The following CPXM2 variants were observed in gnomAD, a reference collection of about 807,000 sequenced individuals.
The protein encoded by CPXM2 is inactive carboxypeptidase-like protein X2.
CPXM2 carries 66 observed loss-of-function variants against 86.1 expected under a neutral mutation model. That is an observed-to-expected ratio of 0.77 (90% CI 0.63 to 0.94). The LOEUF is 0.94. Among genes scored for constraint, CPXM2 ranks in the 40% least tolerant of loss-of-function variants. The pLI is 0.00. For missense variants in CPXM2, 948 were observed against 1,026.3 expected, an observed-to-expected ratio of 0.92 and a Z score of 1.04; for synonymous variants, 388 against 400.2, an observed-to-expected ratio of 0.97 and a Z score of 0.36.
At chr10:123,752,049 C>G (rs973257609) in intron 13 of CPXM2, 1 of 985,414 alleles carries the variant, frequency 1.0e-6, no homozygotes, top group Non-Finnish European at 1.2e-6. Context: ...ATACAAAGCA[C>G]TAAATAGTCA....
At chr10:123,822,187 C>A (rs531732723) in intron 4 of CPXM2, among the ~76,000 whole-genome samples, 2 of 152,342 alleles carry the variant, frequency 1.3e-5, no homozygotes, top group African/African-American at 4.8e-5. Context: ...TCCAAAGTAT[C>A]TGAACACAAT....
chr10:123,799,236 T>C (rs1847401630), intron 4 of CPXM2, 37 bp from the exon 5 acceptor site: 2 of 1,611,234 alleles, frequency 1.2e-6, no homozygotes, highest in Non-Finnish European at 1.7e-6. Flanking sequence ...ACTACACACT[T>C]TAAAATGTTT....
intron 2 of CPXM2, among the ~76,000 whole-genome samples, chr10:123,899,492 C>T (rs1003455261): frequency 1.4e-4 from 21 of 152,222 alleles, no homozygotes; most frequent in African/African-American, 5.1e-4. Flanking sequence ...GGAAAGATAC[C>T]TATGCTCTTG....
intron 2 of CPXM2, among the ~76,000 whole-genome samples, chr10:123,905,674 G>A (rs888720526): frequency 2.6e-5 from 4 of 151,984 alleles, no homozygotes; most frequent in South Asian, 2.1e-4. Flanking sequence ...TCCTTCCCAC[G>A]CAGCTTCTCC....
At chr10:123,887,266 C>T (rs1369022929) in intron 1 of CPXM2, 1 of 143,124 alleles carries the variant, frequency 7.0e-6, no homozygotes, top group Non-Finnish European at 1.5e-5. Flanking sequence ...CCACTTAGGT[C>T]CTTAGAGTTC....
chr10:123,902,566 C>T (rs1470508556), intron 2 of CPXM2, among the ~76,000 whole-genome samples: 1 of 152,210 alleles, frequency 6.6e-6, no homozygotes, highest in Non-Finnish European at 1.5e-5. Flanking sequence ...AAGATACTGG[C>T]AGATTCGGAG....
intron 3 of CPXM2, among the ~76,000 whole-genome samples, chr10:123,857,757 G>A (rs17106127): frequency 0.1 from 15,511 of 152,178 alleles, 969 homozygotes; most frequent in East Asian, 0.32. Flanking sequence ...CCCCACTGAC[G>A]CCGAGGAACA....
intron 3 of CPXM2, among the ~76,000 whole-genome samples, chr10:123,844,323 A>G (rs1848452092): frequency 6.6e-6 from 1 of 152,192 alleles, no homozygotes; most frequent in Admixed American, 6.5e-5. Context: ...AAAAGGTTTG[A>G]TTCTTTAAAG....
chr10:123,919,104 T>TA (rs35079929), intron 2 of CPXM2, among the ~76,000 whole-genome samples: 73,966 of 147,994 alleles, frequency 0.5, 19,913 homozygotes, highest in Non-Finnish European at 0.61. Flanking sequence ...TAAAGTAGCA[T>TA]AGACAAGGCT....
At chr10:123,872,857 A>G (rs1944915435) in intron 2 of CPXM2, among the ~76,000 whole-genome samples, 2 of 152,320 alleles carry the variant, frequency 1.3e-5, no homozygotes, top group South Asian at 4.1e-4. Flanking sequence ...AGCTAGGAAA[A>G]TATTTTACCC....
intron 3 of CPXM2, among the ~76,000 whole-genome samples, chr10:123,848,922 G>A (rs1848547433): frequency 1.3e-5 from 2 of 152,168 alleles, no homozygotes; most frequent in African/African-American, 4.8e-5. Context: ...TTTGTATGGT[G>A]CCTGGCACAG....
intron 3 of CPXM2, among the ~76,000 whole-genome samples, chr10:123,850,136 T>C (rs1320864547): frequency 1.3e-5 from 2 of 152,248 alleles, no homozygotes; most frequent in Non-Finnish European, 2.9e-5. Flanking sequence ...AACTGTCATA[T>C]AGTATTTCAC....
chr10:123,887,608 T>C (rs1224900415), intron 1 of CPXM2, among the ~76,000 whole-genome samples: 1 of 151,362 alleles, frequency 6.6e-6, no homozygotes, highest in African/African-American at 2.4e-5. Context: ...GGGGGGAGGG[T>C]GCTACTGGCA....
chr10:123,931,976 G>A (rs1203146313), intron 2 of CPXM2, among the ~76,000 whole-genome samples: 1 of 152,206 alleles, frequency 6.6e-6, no homozygotes, highest in Non-Finnish European at 1.5e-5. Context: ...AAAGAAGAAA[G>A]TCAGGTCTTA....
At chr10:123,829,606 C>T (rs1205288957) in intron 4 of CPXM2, among the ~76,000 whole-genome samples, 1 of 152,118 alleles carries the variant, frequency 6.6e-6, no homozygotes, top group Non-Finnish European at 1.5e-5. Flanking sequence ...CTCAGTCCCT[C>T]AAGTTAAGGC....
chr10:123,822,419 G>A lies in CPXM2; in HGVS notation c.653+19930C>T, dbSNP rs139414990. On this transcript the variant is annotated intron_variant, in intron 4 of 13. Transcript: ENST00000241305. ...AGCAAACCTAGAGGCTAGCTGCAGG[G>A]AGCCTACAGTCTAGTGGAGAACATA... is the stretch of plus-strand genomic sequence containing the variant. Among the ~76,000 whole-genome samples, 364 of 152,290 alleles carry A rather than the reference G, an allele frequency of 2.4e-3. 2 individuals are homozygous for A. The highest frequency in any genetic ancestry group is 8.5e-3 in the African/African-American group (352 of 41,560).
intron 7 of CPXM2, among the ~76,000 whole-genome samples, chr10:123,779,684 T>C (rs951126527): frequency 5.3e-5 from 8 of 152,188 alleles, no homozygotes; most frequent in African/African-American, 1.9e-4. Flanking sequence ...GGGGTAGTGC[T>C]ATAGTCTCTC....
chr10:123,830,866 C>G (rs61863828), intron 4 of CPXM2, among the ~76,000 whole-genome samples: 2 of 97,828 alleles, frequency 2.0e-5, no homozygotes, highest in African/African-American at 3.9e-5. Flanking sequence ...CTCTCTCTCT[C>G]TCTCTCTGTG....
intron 4 of CPXM2, among the ~76,000 whole-genome samples, chr10:123,831,286 G>A (rs1014952997): frequency 6.6e-6 from 1 of 152,138 alleles, no homozygotes; most frequent in African/African-American, 2.4e-5. Context: ...TTGAGGGACT[G>A]GGAAGAGAGA....
Sources: allele counts gnomAD v4.1 joint callset (sites outside exome capture counted in the v4.1 genomes callset), GRCh38; gene constraint gnomAD v4.1.1; transcripts MANE v1.5; gene names NCBI Gene and HGNC (gene_info 2026-07-23, HGNC 2026-07-21).